LRP1B: variants seen among roughly 807,000 people sequenced by gnomAD.
LRP1B encodes the protein low-density lipoprotein receptor-related protein 1B.
In LRP1B, 217 loss-of-function variants were observed where a neutral mutation model predicts 556.6. That is an observed-to-expected ratio of 0.39 (90% CI 0.35 to 0.44). The LOEUF (loss-of-function observed/expected upper bound fraction) is 0.44. Among genes scored for constraint, LRP1B ranks in the 20% least tolerant of loss-of-function variants. The probability of loss-of-function intolerance (pLI) is 1.00; values close to 1 mark genes in which losing one functional copy is unlikely to be tolerated. For synonymous variants in LRP1B, 2,047 were observed against 1,865.8 expected (o/e 1.10, Z -2.50); for missense variants, 5,053 against 5,620.8 (o/e 0.90, Z 3.23).
rs2105117261 is a variant in LRP1B at position 140,850,120 on chromosome 2, C to G, written c.4921G>C (p.Glu1641Gln). The G allele has an allele frequency of 1.9e-6, 3 of 1,608,944 alleles. No individual in the cohort carries two copies. Among genetic ancestry groups the G allele is most frequent in the Non-Finnish European group, 2.6e-6 (3 of 1,175,754 alleles). ...KRAFINGTGL[E>Q]TVISRDIQSI... Reference sequence around the variant, plus strand: ...CTTTTACCTCTTGAAATAACAGTTTCTAACCCAGTTCCGTTAATAAAAGCT... The same window carrying G: ...CTTTTACCTCTTGAAATAACAGTTTGTAACCCAGTTCCGTTAATAAAAGCT... The change falls in exon 29 of 91, where the codon GAA becomes CAA. Residue 1641 changes from glutamate (E) to glutamine (Q), a missense_variant. Glu to Gln is a conservative substitution (Grantham distance 29, BLOSUM62 2). This residue lies in a region of LRP1B where 3,619 missense variants were observed against 3,931.9 expected (regional missense o/e 0.92). Coordinates refer to ENST00000389484, the MANE Select transcript of LRP1B (RefSeq NM_018557.3).
chr2:140,270,472 G>C, intron 85 of LRP1B, 126 bp from the exon 86 acceptor site: 1 of 608,624 alleles, frequency 1.6e-6, no homozygotes, highest in Non-Finnish European at 3.0e-6. Flanking sequence ...CTGGTTAAAA[G>C]GAAGTTTTCA....
intron 7 of LRP1B, among the ~76,000 whole-genome samples, chr2:141,106,540 T>A (rs775665663): frequency 0.017 from 2,514 of 151,870 alleles, 37 homozygotes; most frequent in South Asian, 0.027. Context: ...CAGAAGTAAA[T>A]AGACATGTCT....
Position 140,351,052 on chromosome 2 carries a change from TA to T in LRP1B, c.11651-15del. The T allele has an allele frequency of 6.7e-7, 1 of 1,499,756 alleles. No homozygotes were observed. The highest frequency in any genetic ancestry group is 9.0e-7 in the Non-Finnish European group (1 of 1,107,450). 92.9% of individuals were successfully genotyped at this position (1,499,756 alleles called of 1,614,324 possible). A position where few individuals can be genotyped will look rare whatever the true frequency, so the allele number is the denominator to read the frequency against. On this transcript the variant is annotated splice_polypyrimidine_tract_variant and intron_variant, in intron 76 of 90. Transcript: ENST00000389484. ...GATCTTCAGAGCCTGGAGATTATTATAATAAAATACAAAAATAAAGTAAATT... is the reference window on the plus strand; with the variant it reads ...GATCTTCAGAGCCTGGAGATTATTATATAAAATACAAAAATAAAGTAAATT...
intron 43 of LRP1B, among the ~76,000 whole-genome samples, chr2:140,580,623 CAGAG>C (rs1186430366): frequency 3.0e-4 from 46 of 152,054 alleles, no homozygotes; most frequent in African/African-American, 1.1e-3. Context: ...CATAATAGCT[CAGAG>C]AAAGAATGAG....
chr2:142,075,371 T>A (rs779073524), intron 1 of LRP1B, among the ~76,000 whole-genome samples: 1 of 151,922 alleles, frequency 6.6e-6, no homozygotes, highest in Admixed American at 6.6e-5. Context: ...TAGAGAAAAT[T>A]TGAGGGAACA....
rs1688974376 is a variant in LRP1B at position 140,496,998 on chromosome 2, C to T, written c.8851-1250G>A. On this transcript the variant is annotated intron_variant, in intron 55 of 90. Coordinates refer to ENST00000389484, the MANE Select transcript of LRP1B (RefSeq NM_018557.3). ...ATAAAGCTATTAGAATGATATATGT[C>T]CATATTAATAAAAAATCAGGAAACA... Among the ~76,000 whole-genome samples, 5 of 150,642 alleles carry T rather than the reference C, an allele frequency of 3.3e-5. No individual in the cohort carries two copies. In the South Asian group the frequency reaches 1.0e-3, roughly 32 times the overall value.
At chr2:141,887,740 C>T (rs1378705726) in intron 1 of LRP1B, among the ~76,000 whole-genome samples, 3 of 152,124 alleles carry the variant, frequency 2.0e-5, no homozygotes, top group African/African-American at 7.2e-5. Context: ...AATTCTTGTC[C>T]ACAAATATCG....
chr2:140,597,885 T>G (rs1682506184), intron 43 of LRP1B, among the ~76,000 whole-genome samples: 1 of 152,168 alleles, frequency 6.6e-6, no homozygotes, highest in Non-Finnish European at 1.5e-5. Context: ...CAGACCTTCT[T>G]CAGTGCAGTG....
At chr2:140,561,100 C>A (rs1471903460) in intron 43 of LRP1B, among the ~76,000 whole-genome samples, 1 of 152,128 alleles carries the variant, frequency 6.6e-6, no homozygotes, top group East Asian at 1.9e-4. Context: ...ATAAAAAATA[C>A]AATTCCTCTT....
intron 2 of LRP1B, among the ~76,000 whole-genome samples, chr2:141,690,315 T>C (rs1240204606): frequency 6.8e-6 from 1 of 148,028 alleles, no homozygotes; most frequent in Non-Finnish European, 1.5e-5. Context: ...CATGCTGTGG[T>C]ACAGGTGTCC....
At chr2:142,115,580 G>A (rs1429547502) in intron 1 of LRP1B, among the ~76,000 whole-genome samples, 10 of 26,560 alleles carry the variant, frequency 3.8e-4, no homozygotes, top group South Asian at 7.4e-4. Flanking sequence ...TATTATATAT[G>A]TAATATATAT....
chr2:141,069,438 G>A (rs759268946), intron 7 of LRP1B, among the ~76,000 whole-genome samples: 16 of 151,910 alleles, frequency 1.1e-4, no homozygotes, highest in African/African-American at 1.9e-4. Context: ...AAACATGGTG[G>A]GAAAAATGCT....
At chr2:140,810,818 C>A (rs1038606932) in intron 32 of LRP1B, among the ~76,000 whole-genome samples, 3 of 152,102 alleles carry the variant, frequency 2.0e-5, no homozygotes, top group Admixed American at 6.5e-5. Flanking sequence ...CTCACTGCAA[C>A]CTCCACCTCC....
intron 84 of LRP1B, among the ~76,000 whole-genome samples, chr2:140,293,769 CA>C (rs34157741): frequency 6.6e-6 from 1 of 151,838 alleles, no homozygotes; most frequent in Non-Finnish European, 1.5e-5. Context: ...ATTATGCTGC[CA>C]AAAAAACAGC....
At chr2:140,669,173 C>T (rs960114475) in intron 41 of LRP1B, among the ~76,000 whole-genome samples, 1 of 152,078 alleles carries the variant, frequency 6.6e-6, no homozygotes, top group Non-Finnish European at 1.5e-5. Flanking sequence ...AATTTAATTT[C>T]CCAAAATGTG....
At chr2:141,691,815 T>C (rs762701850) in intron 2 of LRP1B, among the ~76,000 whole-genome samples, 25 of 152,002 alleles carry the variant, frequency 1.6e-4, no homozygotes, top group Non-Finnish European at 2.8e-4. Flanking sequence ...AAACGTCTTC[T>C]GCACTCCACA....
chr2:141,105,754 G>C (rs1574078128), intron 7 of LRP1B, among the ~76,000 whole-genome samples: 1 of 152,078 alleles, frequency 6.6e-6, no homozygotes, highest in South Asian at 2.1e-4. Flanking sequence ...ATGTATACCT[G>C]TTTTGAATAA....
intron 7 of LRP1B, among the ~76,000 whole-genome samples, chr2:141,069,323 CT>C (rs1208437693): frequency 6.6e-6 from 1 of 152,016 alleles, no homozygotes; most frequent in Non-Finnish European, 1.5e-5. Context: ...AAGTGGAGCA[CT>C]AAAAATGTGG....
chr2:141,093,882 T>A (rs1700232205), intron 7 of LRP1B, among the ~76,000 whole-genome samples: 2 of 151,926 alleles, frequency 1.3e-5, no homozygotes. Flanking sequence ...GCCTGGCTAA[T>A]TTTTTTGTAT....
Sources: gnomAD v4.1 joint callset for allele counts (sites outside exome capture counted in the v4.1 genomes callset) on GRCh38, gnomAD v4.1.1 for gene constraint, gnomAD v4.1.1 regional missense constraint, MANE v1.5 for transcripts, NCBI Gene and HGNC (gene_info 2026-07-23, HGNC 2026-07-21) for gene names.